The following UGT3A1 variants were observed in gnomAD, a reference collection of about 807,000 sequenced individuals.
The protein encoded by UGT3A1 is UDP-glycosyltransferase 3A1.
UGT3A1 carries 40 observed loss-of-function variants against 37.6 expected under a neutral mutation model. The observed-to-expected ratio is 1.06, with a 90% CI of 0.83 to 1.38. UGT3A1 has a LOEUF of 1.38. UGT3A1 is among the 40% of genes most tolerant of loss of function. The pLI is 0.00. For synonymous variants in UGT3A1, 256 were observed against 232.3 expected (o/e 1.10, Z -0.93); for missense variants, 642 against 634.2 (o/e 1.01, Z -0.13).
chr5:35,991,223 C>A lies in UGT3A1; in HGVS notation c.18G>T (p.Val6=), dbSNP rs779830783. ...AAAGAAGGAAGGCCACTAGAAGCAGCACCCGCTGCCCAACCATGCTCACTT... is the reference window on the plus strand; with the variant it reads ...AAAGAAGGAAGGCCACTAGAAGCAGAACCCGCTGCCCAACCATGCTCACTT... MVGQR[V]LLLVAFLLSG... is the part of the protein sequence containing the mutation. Residue 6 remains valine, a synonymous_variant, in exon 1 of 7, where the codon GTG becomes GTT. Transcript: ENST00000274278. 1.2e-6 allele frequency: 2 copies of A among 1,614,260 alleles called. No individual in the cohort carries two copies. Among genetic ancestry groups the A allele is most frequent in the Non-Finnish European group, 1.7e-6 (2 of 1,180,042 alleles).
At chr5:35,973,427 G>T (rs1352548014) in intron 2 of UGT3A1, among the ~76,000 whole-genome samples, 1 of 152,144 alleles carries the variant, frequency 6.6e-6, no homozygotes, top group Non-Finnish European at 1.5e-5. Flanking sequence ...GAGGCCACTA[G>T]ACAGAGATTC....
intron 2 of UGT3A1, among the ~76,000 whole-genome samples, chr5:35,969,135 C>T (rs1180125480): frequency 6.6e-6 from 1 of 152,162 alleles, no homozygotes; most frequent in African/African-American, 2.4e-5. Flanking sequence ...TTAAGACTGA[C>T]ATCAGTGCAA....
chr5:35,958,672 T>C (rs1055842779), intron 4 of UGT3A1, among the ~76,000 whole-genome samples: 1 of 152,200 alleles, frequency 6.6e-6, no homozygotes, highest in Non-Finnish European at 1.5e-5. Context: ...AGCAACCAAA[T>C]GCCCAATCAA....
intron 2 of UGT3A1, among the ~76,000 whole-genome samples, chr5:35,984,511 C>A (rs1580957550): frequency 7.2e-6 from 1 of 138,510 alleles, no homozygotes; most frequent in Non-Finnish European, 1.5e-5. Context: ...CTTGCTCTAT[C>A]ACCCAGGCTG....
intron 1 of UGT3A1, 45 bp downstream of exon 1, chr5:35,991,102 G>T (rs546386534): frequency 2.8e-5 from 46 of 1,614,142 alleles, no homozygotes; most frequent in Admixed American, 1.5e-4. Flanking sequence ...GCAGTGCGGG[G>T]ATCCGGGACG....
chr5:35,979,475 T>C (rs1358247445), intron 2 of UGT3A1, among the ~76,000 whole-genome samples: 1 of 151,768 alleles, frequency 6.6e-6, no homozygotes, highest in Non-Finnish European at 1.5e-5. Flanking sequence ...GGGCAAAGAG[T>C]GACCTTTGCT....
chr5:35,979,867 G>C (rs1740448467), intron 2 of UGT3A1, among the ~76,000 whole-genome samples: 1 of 152,332 alleles, frequency 6.6e-6, no homozygotes, highest in Admixed American at 6.5e-5. Context: ...GCAGAAGGCA[G>C]AAGGCATGTC....
At chr5:35,984,942 T>C (rs1272072534) in intron 2 of UGT3A1, among the ~76,000 whole-genome samples, 1 of 152,198 alleles carries the variant, frequency 6.6e-6, no homozygotes, top group African/African-American at 2.4e-5. Context: ...ATATATTCTA[T>C]AAGTTCAAAT....
intron 4 of UGT3A1, among the ~76,000 whole-genome samples, chr5:35,963,716 G>C (rs919286057): frequency 6.6e-6 from 1 of 152,200 alleles, no homozygotes; most frequent in Non-Finnish European, 1.5e-5. Flanking sequence ...TGGCCAGCTG[G>C]TTCATGGGGC....
rs1739195909 is a variant in UGT3A1, at chr5:35,951,276, AT to A, written c.*2925del. Reference sequence around the variant, plus strand: ...ATAAACACATGGATCCTTCCACCCTATTCAAACACCACCCTCATAGATAATC... The same window carrying A: ...ATAAACACATGGATCCTTCCACCCTATCAAACACCACCCTCATAGATAATC... On this transcript the variant is annotated 3_prime_UTR_variant, in exon 7 of 7. Coordinates refer to ENST00000274278, the MANE Select transcript of UGT3A1 (RefSeq NM_152404.4). The A allele has an allele frequency of 6.6e-6, 1 of 152,162 alleles. No homozygotes were observed. The highest frequency in any genetic ancestry group is 1.5e-5 in the Non-Finnish European group (1 of 68,004). The allele number at this position is 152,162 out of a possible 1,614,324, so 9.4% of individuals were successfully genotyped here.
chr5:35,994,329 T>TTCTTTG (rs3219508), upstream of UGT3A1, among the ~76,000 whole-genome samples: 196 of 89,590 alleles, frequency 2.2e-3, no homozygotes, highest in African/African-American at 6.7e-3. Context: ...TTGTTTTGTT[T>TTCTTTG]TGTTTGTGTG....
At chr5:35,992,714 T>C (rs1408119948), upstream of UGT3A1, among the ~76,000 whole-genome samples, 1 of 152,170 alleles carries the variant, frequency 6.6e-6, no homozygotes, top group Non-Finnish European at 1.5e-5. Context: ...TTAAATAGTA[T>C]GATTTAAACC....
chr5:35,990,539 G>A (rs2111557663), intron 1 of UGT3A1, among the ~76,000 whole-genome samples: 2 of 152,250 alleles, frequency 1.3e-5, no homozygotes, highest in South Asian at 4.2e-4. Flanking sequence ...GTAAAAGGAA[G>A]GAGGCTCCAA....
chr5:35,970,631 A>T (rs937978971), intron 2 of UGT3A1, among the ~76,000 whole-genome samples: 1 of 152,146 alleles, frequency 6.6e-6, no homozygotes, highest in Admixed American at 6.6e-5. Flanking sequence ...ACTAACAATT[A>T]AAAAACTAAC....
intron 6 of UGT3A1, chr5:35,955,196 G>A (rs1277142081): frequency 4.6e-6 from 1 of 216,314 alleles, no homozygotes; most frequent in African/African-American, 2.3e-5. Flanking sequence ...ACACAACCCT[G>A]TCTATGGAAG....
chr5:35,995,181 C>G (rs1284906254), upstream of UGT3A1, among the ~76,000 whole-genome samples: 3 of 152,194 alleles, frequency 2.0e-5, no homozygotes, highest in Admixed American at 6.5e-5. Flanking sequence ...CACCCTCACT[C>G]TACCCTGACC....
intron 6 of UGT3A1, chr5:35,954,988 C>G (rs1280869454): frequency 6.2e-6 from 1 of 160,484 alleles, no homozygotes; most frequent in African/African-American, 2.4e-5. Context: ...GCAGTAAGCA[C>G]TGGGAACAGA....
At chr5:35,996,724 T>C (rs1741104969) in intron 2 of UGT3A1, among the ~76,000 whole-genome samples, 2 of 152,326 alleles carry the variant, frequency 1.3e-5, no homozygotes, top group African/African-American at 4.8e-5. Context: ...GTACCACAAT[T>C]TAGCACCAAT....
chr5:35,989,960 G>A (rs1740872975), intron 1 of UGT3A1, among the ~76,000 whole-genome samples: 1 of 152,028 alleles, frequency 6.6e-6, no homozygotes, highest in African/African-American at 2.4e-5. Context: ...GGTGGCGGGC[G>A]CCTGTAGTCC....
Sources: allele counts gnomAD v4.1 joint callset (sites outside exome capture counted in the v4.1 genomes callset), GRCh38; gene constraint gnomAD v4.1.1; transcripts MANE v1.5; gene names NCBI Gene and HGNC (gene_info 2026-07-23, HGNC 2026-07-21).